The following FBXO15 variants were observed in gnomAD, a reference collection of about 807,000 sequenced individuals.
The protein encoded by FBXO15 is F-box only protein 15.
FBXO15 carries 30 observed loss-of-function variants against 49.5 expected under a neutral mutation model. That is an observed-to-expected ratio of 0.61 (90% confidence interval 0.45 to 0.82). FBXO15 has a LOEUF of 0.82. FBXO15 is among the 40% of genes least tolerant of loss of function. The pLI is 0.00. For synonymous variants in FBXO15, 250 were observed against 232.7 expected, an observed-to-expected ratio of 1.07 and a Z score of -0.68; for missense variants, 591 against 631.5, an observed-to-expected ratio of 0.94 and a Z score of 0.69.
At chr18:74,085,590 C>A (rs1175573069) in intron 8 of FBXO15, among the ~76,000 whole-genome samples, 4 of 152,138 alleles carry the variant, frequency 2.6e-5, no homozygotes, top group Admixed American at 6.5e-5. Context: ...GAGACTCCGT[C>A]TCAAAACAAC....
rs1256798340 is a variant in FBXO15, at chr18:74,074,471, C to T, written c.1264-741G>A. 1.3e-5 allele frequency among the ~76,000 whole-genome samples: 2 copies of T among 152,196 alleles called. No individual in the cohort carries two copies. The highest frequency in any genetic ancestry group is 2.9e-5 in the Non-Finnish European group (2 of 68,022). ...TCGACTTGACCTCAGTTATTCACTC[C>T]CACAGTCACATGGCCGACACAGCAC... On this transcript the variant is annotated intron_variant, in intron 9 of 9. Coordinates refer to ENST00000419743, the MANE Select transcript of FBXO15 (RefSeq NM_001142958.2). The surrounding 1 kb of genome is among the most constrained non-coding windows in gnomAD (Gnocchi z 4.7).
intron 3 of FBXO15, among the ~76,000 whole-genome samples, chr18:74,131,579 G>C (rs1457450377): frequency 6.6e-6 from 1 of 152,164 alleles, no homozygotes; most frequent in Non-Finnish European, 1.5e-5. Flanking sequence ...TCTACTAAGA[G>C]GGCAGGAGAA....
At chr18:74,142,641 C>A (rs762191232) in intron 1 of FBXO15, among the ~76,000 whole-genome samples, 17 of 152,122 alleles carry the variant, frequency 1.1e-4, no homozygotes, top group Non-Finnish European at 5.9e-5. Context: ...TCCCTCTAGG[C>A]ATATCTGTCT....
chr18:74,133,512 T>A (rs75713694), intron 3 of FBXO15, among the ~76,000 whole-genome samples: 208 of 152,362 alleles, frequency 1.4e-3, no homozygotes, highest in African/African-American at 4.9e-3. Flanking sequence ...TTTGGTTGAC[T>A]CCTTCCTTGA....
intron 2 of FBXO15, among the ~76,000 whole-genome samples, chr18:74,139,640 T>C (rs1978941366): frequency 6.6e-6 from 1 of 152,200 alleles, no homozygotes. Flanking sequence ...CAGTGTAAAA[T>C]GTCTCTCTGT....
At chr18:74,121,193 G>T (rs1248524169) in intron 8 of FBXO15, among the ~76,000 whole-genome samples, 1 of 152,158 alleles carries the variant, frequency 6.6e-6, no homozygotes, top group Non-Finnish European at 1.5e-5. Context: ...TTCTCATAAA[G>T]AAAGGTCCAG....
At chr18:74,130,826 T>G (rs1238036672) in intron 3 of FBXO15, 168 bp from the exon 4 acceptor site, 2 of 721,704 alleles carry the variant, frequency 2.8e-6, no homozygotes, top group East Asian at 6.1e-5. Context: ...CAGTTTGAGA[T>G]TTAGTGTTTT....
At chr18:74,109,467 T>A (rs1913912962) in intron 8 of FBXO15, among the ~76,000 whole-genome samples, 1 of 152,164 alleles carries the variant, frequency 6.6e-6, no homozygotes, top group African/African-American at 2.4e-5. Flanking sequence ...GACCCAGCAA[T>A]CCCATTACTG....
chr18:74,084,264 A>G (rs1360963167), intron 8 of FBXO15, among the ~76,000 whole-genome samples: 1 of 152,236 alleles, frequency 6.6e-6, no homozygotes, highest in African/African-American at 2.4e-5. Context: ...GGCTCAGCCT[A>G]TGAGTCCCAC....
At chr18:74,106,964 A>C (rs1367952829) in intron 8 of FBXO15, among the ~76,000 whole-genome samples, 1 of 152,166 alleles carries the variant, frequency 6.6e-6, no homozygotes, top group African/African-American at 2.4e-5. Context: ...AAGGAAAAAG[A>C]ATGTAATATT....
intron 3 of FBXO15, among the ~76,000 whole-genome samples, chr18:74,132,156 C>T (rs1024069215): frequency 3.3e-5 from 5 of 152,248 alleles, no homozygotes; most frequent in East Asian, 1.9e-4. Flanking sequence ...CCTATGTAAG[C>T]GGACAGATGC....
intron 8 of FBXO15, among the ~76,000 whole-genome samples, chr18:74,084,420 G>GC (rs1912640130): frequency 6.6e-6 from 1 of 152,250 alleles, no homozygotes; most frequent in African/African-American, 2.4e-5. Flanking sequence ...GGCAGAGGCA[G>GC]TGGCAGGGGC....
Position 74,074,365 on chromosome 18 carries a change from C to T in FBXO15, c.1264-635G>A, listed in dbSNP as rs1912166330. On this transcript the variant is annotated intron_variant, in intron 9 of 9. Transcript: ENST00000419743. This position sits in a 1 kb window ranked among gnomAD's most constrained non-coding sequence, Gnocchi z 4.7. ...GTCTCACTGTCATCCCAAGTGATCCCAACATCCGTGGGGACCCTGGTGGAG... is the reference window on the plus strand; with the variant it reads ...GTCTCACTGTCATCCCAAGTGATCCTAACATCCGTGGGGACCCTGGTGGAG... Among the ~76,000 whole-genome samples the T allele has an allele frequency of 6.6e-6, 1 of 152,232 alleles. No homozygotes were observed. The highest frequency in any genetic ancestry group is 2.4e-5 in the African/African-American group (1 of 41,456).
chr18:74,077,071 C>A (rs974621747), intron 9 of FBXO15, among the ~76,000 whole-genome samples: 1 of 152,188 alleles, frequency 6.6e-6, no homozygotes, highest in African/African-American at 2.4e-5. Flanking sequence ...AGCTGCAGTG[C>A]TGAAACTGAC....
chr18:74,092,438 G>A (rs1913081059), intron 8 of FBXO15, among the ~76,000 whole-genome samples: 1 of 152,186 alleles, frequency 6.6e-6, no homozygotes, highest in Non-Finnish European at 1.5e-5. Flanking sequence ...GTTTGGAGGT[G>A]AGAAGACACT....
chr18:74,077,711 C>T (rs1336334706), intron 9 of FBXO15, among the ~76,000 whole-genome samples: 1 of 152,188 alleles, frequency 6.6e-6, no homozygotes, highest in Non-Finnish European at 1.5e-5. Flanking sequence ...GAAGCCAATA[C>T]TGAGGGCCAG....
intron 9 of FBXO15, among the ~76,000 whole-genome samples, chr18:74,079,005 T>G (rs774925610): frequency 1.3e-5 from 2 of 152,218 alleles, no homozygotes; most frequent in Non-Finnish European, 2.9e-5. Flanking sequence ...TGACCCACGA[T>G]GTACCCACAG....
intron 5 of FBXO15, among the ~76,000 whole-genome samples, chr18:74,128,375 A>AG (rs1395286936): frequency 6.6e-6 from 1 of 152,134 alleles, no homozygotes; most frequent in Non-Finnish European, 1.5e-5. Flanking sequence ...AAACCATGAA[A>AG]GAACCCTGTC....
chr18:74,099,257 T>TG (rs1913412077), intron 8 of FBXO15: 1 of 152,218 alleles, frequency 6.6e-6, no homozygotes, highest in African/African-American at 2.4e-5. Flanking sequence ...TAGAAGGGAT[T>TG]GGGGCCCTAT....
Sources: allele counts gnomAD v4.1 joint callset (sites outside exome capture counted in the v4.1 genomes callset), GRCh38; gene constraint gnomAD v4.1.1; non-coding constraint Gnocchi (gnomAD v3.1); transcripts MANE v1.5; gene names NCBI Gene and HGNC (gene_info 2026-07-23, HGNC 2026-07-21).